ATL1: variants seen among roughly 807,000 people sequenced by gnomAD.
ATL1 encodes the protein atlastin-1.
Under a neutral mutation model 75.5 loss-of-function variants are expected in ATL1, and 31 were observed. The observed-to-expected ratio is 0.41, with a 90% CI of 0.31 to 0.55. The LOEUF (loss-of-function observed/expected upper bound fraction) is 0.55, where lower values mean the gene tolerates loss of function less well. ATL1 is among the 20% of genes least tolerant of loss of function. The pLI is 0.27. For synonymous variants in ATL1, 226 were observed against 233.3 expected, an observed-to-expected ratio of 0.97 and a Z score of 0.28; for missense variants, 405 against 662.6, an observed-to-expected ratio of 0.61 and a Z score of 4.27.
At chr14:50,588,387 A>T (rs1214884670) in intron 2 of ATL1, among the ~76,000 whole-genome samples, 1 of 152,206 alleles carries the variant, frequency 6.6e-6, no homozygotes, top group Non-Finnish European at 1.5e-5. Flanking sequence ...ATGTCACATA[A>T]TTTTTGTATT....
intron 1 of ATL1, among the ~76,000 whole-genome samples, chr14:50,575,040 A>T (rs913926090): frequency 1.7e-4 from 24 of 140,568 alleles, no homozygotes; most frequent in African/African-American, 4.8e-4. Context: ...CTGGTCCTTG[A>T]TTTAGGAAGG....
chr14:50,541,546 T>A (rs2038560104), intron 1 of ATL1, among the ~76,000 whole-genome samples: 1 of 152,206 alleles, frequency 6.6e-6, no homozygotes, highest in Non-Finnish European at 1.5e-5. Flanking sequence ...CCTGTATGAC[T>A]GCCACCTTGT....
Position 50,551,605 on chromosome 14 carries a change from A to G in ATL1, c.-139-8522A>G, listed in dbSNP as rs573191382. 2.6e-5 allele frequency among the ~76,000 whole-genome samples: 4 copies of G among 152,320 alleles called. No homozygotes were observed. In the East Asian group the frequency reaches 5.8e-4, roughly 22 times the overall value. On this transcript the variant is annotated intron_variant, in intron 1 of 13. Transcript: ENST00000441560. ...AACTACAGACCATTATCTCTGATGA[A>G]CATAGATGCAAAAAATTGTAACAAA...
chr14:50,625,062 G>A (rs1180603050), intron 11 of ATL1, among the ~76,000 whole-genome samples: 1 of 141,144 alleles, frequency 7.1e-6, no homozygotes, highest in African/African-American at 2.7e-5. Context: ...GGGACTGAGT[G>A]AGGCTCTGTC....
chr14:50,582,590 G>T (rs1265060485), intron 1 of ATL1, among the ~76,000 whole-genome samples: 5 of 139,768 alleles, frequency 3.6e-5, no homozygotes, highest in Admixed American at 7.2e-5. Flanking sequence ...TTGTGTTGTT[G>T]TTTTTTTTTT....
At chr14:50,623,027 T>C in intron 10 of ATL1, 150 bp from the exon 11 acceptor site, 1 of 677,518 alleles carries the variant, frequency 1.5e-6, no homozygotes, top group East Asian at 2.8e-5. Context: ...TTTTAAAATG[T>C]AGTAGAAATA....
chr14:50,605,403 T>C (rs548914708), intron 6 of ATL1, among the ~76,000 whole-genome samples: 115 of 152,116 alleles, frequency 7.6e-4, no homozygotes, highest in African/African-American at 2.4e-3. Flanking sequence ...GTCAGTGATA[T>C]ACTAGAGATT....
At chr14:50,585,169 A>T (rs2039090269) in intron 1 of ATL1, among the ~76,000 whole-genome samples, 1 of 152,220 alleles carries the variant, frequency 6.6e-6, no homozygotes, top group Admixed American at 6.5e-5. Flanking sequence ...ATAGGATGTT[A>T]AATTGCTGGC....
chr14:50,552,669 T>C (rs914393894), intron 1 of ATL1, among the ~76,000 whole-genome samples: 2 of 152,178 alleles, frequency 1.3e-5, no homozygotes, highest in Non-Finnish European at 2.9e-5. Context: ...AATAGGCATG[T>C]AGACCAATGG....
At chr14:50,592,264 C>A (rs1206071507) in intron 4 of ATL1, among the ~76,000 whole-genome samples, 1 of 151,924 alleles carries the variant, frequency 6.6e-6, no homozygotes, top group Non-Finnish European at 1.5e-5. Flanking sequence ...GATTTTAAGA[C>A]TATTTTTAGA....
chr14:50,588,837 T>C (rs987820462), intron 2 of ATL1, among the ~76,000 whole-genome samples: 1 of 152,202 alleles, frequency 6.6e-6, no homozygotes, highest in African/African-American at 2.4e-5. Context: ...TCAGAGTGAA[T>C]GTTATGGAAA....
intron 2 of ATL1, among the ~76,000 whole-genome samples, chr14:50,590,580 G>A (rs2039146627): frequency 1.3e-5 from 2 of 152,058 alleles, no homozygotes; most frequent in Non-Finnish European, 2.9e-5. Flanking sequence ...CCTGACCAAT[G>A]GTTAGTTATT....
chr14:50,547,128 G>A (rs2038643905), intron 1 of ATL1, among the ~76,000 whole-genome samples: 1 of 152,040 alleles, frequency 6.6e-6, no homozygotes, highest in African/African-American at 2.4e-5. Flanking sequence ...CTATAAAAAT[G>A]GTTAACAGGA....
intron 2 of ATL1, among the ~76,000 whole-genome samples, chr14:50,588,828 C>CA (rs1289087388): frequency 2.0e-5 from 3 of 152,108 alleles, no homozygotes; most frequent in Admixed American, 6.5e-5. Context: ...ATCATTGACT[C>CA]AGAGTGAATG....
chr14:50,593,800 G>C (rs755586890), intron 4 of ATL1, 46 bp from the exon 5 acceptor site: 1 of 1,278,726 alleles, frequency 7.8e-7, no homozygotes, highest in Non-Finnish European at 1.1e-6. Context: ...AAGTGCTTAG[G>C]ATGATGCCAG....
intron 1 of ATL1, among the ~76,000 whole-genome samples, chr14:50,575,019 T>C (rs2038993129): frequency 6.9e-6 from 1 of 145,818 alleles, no homozygotes; most frequent in African/African-American, 2.5e-5. Flanking sequence ...TATCTCTTTT[T>C]TCCTCTCTCT....
At chr14:50,595,659 T>A in intron 6 of ATL1, 27 bp downstream of exon 6, 1 of 1,607,174 alleles carries the variant, frequency 6.2e-7, no homozygotes, top group South Asian at 1.1e-5. Flanking sequence ...TGATGGTAAA[T>A]TCTTACTAGA....
intron 1 of ATL1, among the ~76,000 whole-genome samples, chr14:50,552,787 G>A (rs1178736626): frequency 6.6e-6 from 1 of 152,136 alleles, no homozygotes; most frequent in Non-Finnish European, 1.5e-5. Flanking sequence ...TCAATAAATG[G>A]TGCTGGGATA....
At chr14:50,553,838 A>G (rs1390337213) in intron 1 of ATL1, among the ~76,000 whole-genome samples, 2 of 152,180 alleles carry the variant, frequency 1.3e-5, no homozygotes, top group African/African-American at 2.4e-5. Context: ...ATTCTAAGTG[A>G]AGTAACTCAG....
Sources: gnomAD v4.1 joint callset for allele counts (sites outside exome capture counted in the v4.1 genomes callset) on GRCh38, gnomAD v4.1.1 for gene constraint, MANE v1.5 for transcripts, NCBI Gene and HGNC (gene_info 2026-07-23, HGNC 2026-07-21) for gene names.